CUBN: variants seen among roughly 807,000 people sequenced by gnomAD.
CUBN encodes cubilin.
Under a neutral mutation model 405.3 loss-of-function variants are expected in CUBN, and 282 were observed. The ratio of observed to expected loss-of-function variants is 0.70; its 90% confidence interval spans 0.63 to 0.77. The LOEUF (loss-of-function observed/expected upper bound fraction) is 0.77. Ranked by LOEUF, CUBN falls within the 30% of genes least tolerant of loss-of-function variation. The probability of loss-of-function intolerance (pLI) is 0.00; values close to 1 mark genes in which losing one functional copy is unlikely to be tolerated. For missense variants in CUBN, 4,514 were observed against 4,475.2 expected, an observed-to-expected ratio of 1.01 and a Z score of -0.25; for synonymous variants, 1,684 against 1,617.0, an observed-to-expected ratio of 1.04 and a Z score of -0.99.
intron 54 of CUBN, among the ~76,000 whole-genome samples, chr10:16,898,273 A>G (rs1359828251): frequency 6.6e-6 from 1 of 152,126 alleles, no homozygotes; most frequent in African/African-American, 2.4e-5. Flanking sequence ...CCAATGCTTA[A>G]AACAGCCCCA....
intron 40 of CUBN, among the ~76,000 whole-genome samples, chr10:16,931,080 C>A (rs1287670806): frequency 1.3e-5 from 2 of 151,390 alleles, no homozygotes; most frequent in South Asian, 2.1e-4. Flanking sequence ...CACAGTGAAA[C>A]CCCACCTCTA....
rs754294517 is a variant in CUBN, at chr10:16,852,612, G to A, written c.9455-1169C>T. Reference sequence around the variant, plus strand: ...TTCACGGAGTTGCTGAAAGAAGTGGGAAAACACATAGGGTTCTACAGACGT... The same window carrying A: ...TTCACGGAGTTGCTGAAAGAAGTGGAAAAACACATAGGGTTCTACAGACGT... On this transcript the variant is annotated intron_variant, in intron 59 of 66. Coordinates refer to ENST00000377833, the MANE Select transcript of CUBN (RefSeq NM_001081.4). Among the ~76,000 whole-genome samples the A allele has an allele frequency of 2.9e-3, 441 of 152,304 alleles. 2 individuals carry two copies. Among genetic ancestry groups the A allele is most frequent in the Non-Finnish European group, 4.8e-3 (327 of 68,026 alleles).
Position 16,836,221 on chromosome 10 carries a change from G to A in CUBN, c.10180+14C>T. On this transcript the variant is annotated intron_variant, in intron 63 of 66. Transcript: ENST00000377833. Reference sequence around the variant, plus strand: ...GCAGCTTTTTTGAATAAAAGATGAAGTTCCTGGCCTCACCTGCAATCTGAT... The same window carrying A: ...GCAGCTTTTTTGAATAAAAGATGAAATTCCTGGCCTCACCTGCAATCTGAT... The A allele has an allele frequency of 8.1e-6, 13 of 1,610,774 alleles. No homozygotes were observed. Among genetic ancestry groups the A allele is most frequent in the Non-Finnish European group, 1.0e-5 (12 of 1,176,970 alleles).
intron 41 of CUBN, among the ~76,000 whole-genome samples, chr10:16,927,394 A>G (rs1441951042): frequency 6.6e-6 from 1 of 152,212 alleles, no homozygotes; most frequent in Non-Finnish European, 1.5e-5. Flanking sequence ...CTCTTAAGCC[A>G]CTATGCAGCC....
chr10:16,926,809 T>TCTA (rs886615496), intron 41 of CUBN, among the ~76,000 whole-genome samples: 1 of 41,598 alleles, frequency 2.4e-5, no homozygotes, highest in African/African-American at 7.1e-5. Flanking sequence ...AAATTTTTTT[T>TCTA]TCTATCTATC....
Position 17,100,023 on chromosome 10 carries a change from A to G in CUBN, c.1747T>C (p.Trp583Arg), listed in dbSNP as rs1836461008. 1 of 1,613,138 alleles carries G rather than the reference A, an allele frequency of 6.2e-7. No individual in the cohort carries two copies. Among genetic ancestry groups the G allele is most frequent in the Non-Finnish European group, 8.5e-7 (1 of 1,179,166 alleles). Residue 583 changes from tryptophan (W) to arginine (R), a missense_variant, in exon 14 of 67, where the codon TGG becomes CGG. By Grantham distance (101) the Trp-to-Arg change is moderately radical. Transcript: ENST00000377833. ...LRNGRGFTVR[W>R]ETQQPECGGI... Reference sequence around the variant, plus strand: ...CACATACCTGGTTGCTGTGTTTCCCATCTTACTGTAAAGCCTCTCCCATTT... The same window carrying G: ...CACATACCTGGTTGCTGTGTTTCCCGTCTTACTGTAAAGCCTCTCCCATTT...
intron 28 of CUBN, among the ~76,000 whole-genome samples, chr10:17,008,429 CGTGTGTGTGTGT>C (rs59235819): frequency 2.3e-5 from 3 of 131,534 alleles, no homozygotes; most frequent in Non-Finnish European, 3.2e-5. Context: ...AATCCCTGCT[CGTGTGTGTGTGT>C]GTGTGTGTGT....
chr10:17,072,643 C>A (rs960615789), intron 17 of CUBN, among the ~76,000 whole-genome samples: 40 of 152,034 alleles, frequency 2.6e-4, no homozygotes, highest in African/African-American at 9.4e-4. Context: ...AATACAAAAT[C>A]ATGTGGTATT....
chr10:17,007,934 T>C (rs1176173456), intron 28 of CUBN, among the ~76,000 whole-genome samples: 1 of 152,070 alleles, frequency 6.6e-6, no homozygotes, highest in African/African-American at 2.4e-5. Context: ...AGCAAGCAAA[T>C]TGCTTAGCTC....
At chr10:16,993,052 T>C (rs1413084724) in intron 28 of CUBN, among the ~76,000 whole-genome samples, 2 of 152,206 alleles carry the variant, frequency 1.3e-5, no homozygotes, top group Non-Finnish European at 2.9e-5. Context: ...TACAACACAG[T>C]GCCTCATGTA....
intron 58 of CUBN, among the ~76,000 whole-genome samples, chr10:16,873,550 C>G (rs149174123): frequency 5.3e-5 from 8 of 151,714 alleles, no homozygotes; most frequent in Admixed American, 5.2e-4. Flanking sequence ...GGTGAAACCC[C>G]GTCGCTACCA....
rs1389594042 is a variant in CUBN, at chr10:17,127,847, G to T, written c.330C>A (p.Ile110=). Residue 110 remains isoleucine, a synonymous_variant, in exon 3 of 67, where the codon ATC becomes ATA. Coordinates refer to ENST00000377833, the MANE Select transcript of CUBN (RefSeq NM_001081.4). ...GACTTACCTTGGAATTAAGCTGATAGATTTGACTAGATATATTTTGAGGCA... is the reference window on the plus strand; with the variant it reads ...GACTTACCTTGGAATTAAGCTGATATATTTGACTAGATATATTTTGAGGCA... ...IGLPQNISSQ[I]YQLNSKLVDL... is the part of the protein sequence containing the mutation. 1.9e-6 allele frequency: 3 copies of T among 1,611,932 alleles called. No individual in the cohort carries two copies. Among genetic ancestry groups the T allele is most frequent in the Non-Finnish European group, 2.5e-6 (3 of 1,178,228 alleles).
intron 31 of CUBN, among the ~76,000 whole-genome samples, chr10:16,971,633 G>C (rs1382379473): frequency 6.6e-6 from 1 of 151,956 alleles, no homozygotes; most frequent in Admixed American, 6.6e-5. Context: ...AAAATCTTGT[G>C]CCAAGCCATG....
At chr10:16,970,503 G>A (rs1843519833) in intron 31 of CUBN, among the ~76,000 whole-genome samples, 1 of 151,392 alleles carries the variant, frequency 6.6e-6, no homozygotes. Context: ...TTGAACCTGG[G>A]AGGTGGAGGT....
rs202136129 is a variant in CUBN, at chr10:17,127,922, G to T, written c.255C>A (p.Ile85=). ...CTATAATATCTTCTTTGTTTTTCTG[G>T]ATCTAATTTTAGAAAAAGAAGAAGA... ...DEDLSECLHQ[I]QKNKEDIIEL... is the part of the protein sequence containing the mutation. The change falls in exon 3 of 67, where the codon ATC becomes ATA. Residue 85 remains isoleucine, a splice_region_variant and synonymous_variant. Coordinates refer to ENST00000377833, the MANE Select transcript of CUBN (RefSeq NM_001081.4). 1.9e-6 allele frequency: 3 copies of T among 1,589,332 alleles called. No individual in the cohort carries two copies. Among genetic ancestry groups the T allele is most frequent in the Non-Finnish European group, 2.6e-6 (3 of 1,159,284 alleles).
chr10:17,100,645 C>T (rs1243612220), intron 13 of CUBN, among the ~76,000 whole-genome samples: 2 of 152,158 alleles, frequency 1.3e-5, no homozygotes, highest in Non-Finnish European at 2.9e-5. Flanking sequence ...CACCCTAATT[C>T]CCTGAATAAC....
At chr10:16,992,948 A>C (rs1833636480) in intron 28 of CUBN, among the ~76,000 whole-genome samples, 1 of 152,212 alleles carries the variant, frequency 6.6e-6, no homozygotes, top group Non-Finnish European at 1.5e-5. Context: ...CTGAAGCCAA[A>C]ATCATCACAG....
chr10:16,894,912 A>C (rs541265404), intron 54 of CUBN, among the ~76,000 whole-genome samples: 1 of 152,144 alleles, frequency 6.6e-6, no homozygotes, highest in South Asian at 2.1e-4. Context: ...TTTGGGGCTT[A>C]CTTGGCAATG....
At chr10:17,113,075 G>C (rs1836806988) in intron 8 of CUBN, among the ~76,000 whole-genome samples, 1 of 152,110 alleles carries the variant, frequency 6.6e-6, no homozygotes, top group Non-Finnish European at 1.5e-5. Flanking sequence ...AGACCAGCCT[G>C]GCCAACATGG....
Sources: allele counts gnomAD v4.1 joint callset (sites outside exome capture counted in the v4.1 genomes callset), GRCh38; gene constraint gnomAD v4.1.1; transcripts MANE v1.5; gene names NCBI Gene and HGNC (gene_info 2026-07-23, HGNC 2026-07-21).